BICC1: variants seen among roughly 807,000 people sequenced by gnomAD.
BICC1 encodes BicC family RNA binding protein 1, also known as protein bicaudal C homolog 1.
BICC1 carries 43 observed loss-of-function variants against 111.0 expected under a neutral mutation model. The observed-to-expected ratio is 0.39, with a 90% CI of 0.30 to 0.50. The LOEUF (loss-of-function observed/expected upper bound fraction) is 0.50, where lower values mean the gene tolerates loss of function less well. Ranked by LOEUF, BICC1 falls within the 20% of genes least tolerant of loss-of-function variation. The pLI is 0.88. For synonymous variants in BICC1, 467 were observed against 434.4 expected, an observed-to-expected ratio of 1.07 and a Z score of -0.93; for missense variants, 1,091 against 1,203.2, an observed-to-expected ratio of 0.91 and a Z score of 1.38.
At chr10:58,629,698 G>A (rs974841613) in intron 2 of BICC1, among the ~76,000 whole-genome samples, 2 of 152,062 alleles carry the variant, frequency 1.3e-5, no homozygotes, top group African/African-American at 2.4e-5. Context: ...TTTCATCTAG[G>A]AGATTTACAG....
chr10:58,561,607 GTTGTT>G (rs1389011469), intron 1 of BICC1, among the ~76,000 whole-genome samples: 1 of 151,810 alleles, frequency 6.6e-6, no homozygotes, highest in African/African-American at 2.4e-5. Context: ...TTGTTTTCTG[GTTGTT>G]TTGTGTATCA....
At chr10:58,663,804 T>C (rs957147271) in intron 2 of BICC1, among the ~76,000 whole-genome samples, 12 of 152,214 alleles carry the variant, frequency 7.9e-5, no homozygotes, top group Admixed American at 2.6e-4. Context: ...AGATGGTTGG[T>C]TTAAATAGAA....
chr10:58,800,366 AT>A, intron 13 of BICC1, 40 bp downstream of exon 13: 1 of 1,598,518 alleles, frequency 6.3e-7, no homozygotes, highest in East Asian at 2.2e-5. Context: ...TTTGGTTGTT[AT>A]TTGGAAAAAG....
At chr10:58,541,765 A>G in intron 1 of BICC1, among the ~76,000 whole-genome samples, 1 of 152,130 alleles carries the variant, frequency 6.6e-6, no homozygotes. Flanking sequence ...TTGAGAAAAG[A>G]AAAACAAAGC....
chr10:58,809,302 G>C (rs1359021221), intron 17 of BICC1, among the ~76,000 whole-genome samples: 4 of 151,592 alleles, frequency 2.6e-5, no homozygotes, highest in African/African-American at 9.7e-5. Flanking sequence ...TCCCAGTGTT[G>C]GGATTACAGG....
intron 3 of BICC1, among the ~76,000 whole-genome samples, chr10:58,725,244 C>A (rs1369445736): frequency 6.6e-6 from 1 of 152,162 alleles, no homozygotes; most frequent in Non-Finnish European, 1.5e-5. Flanking sequence ...ACATTTGTGG[C>A]AGACTCTTAA....
intron 3 of BICC1, among the ~76,000 whole-genome samples, chr10:58,720,084 A>G (rs142627283): frequency 6.6e-6 from 1 of 152,294 alleles, no homozygotes; most frequent in African/African-American, 2.4e-5. Flanking sequence ...TCTGCTTTCT[A>G]GATTAAATTT....
chr10:58,800,250 G>C lies in BICC1; in HGVS notation c.1782G>C (p.Leu594=), dbSNP rs1470883309. 1.9e-6 allele frequency: 3 copies of C among 1,612,828 alleles called. No individual in the cohort carries two copies. Residue 594 remains leucine (L), a synonymous_variant, in exon 13 of 21, where the codon CTG becomes CTC. Coordinates refer to ENST00000373886, the MANE Select transcript of BICC1 (RefSeq NM_001080512.3). ...CTTCATCACTTGGAGAAAAAGTGCT[G>C]AGTGCAAATCACGGGGATCCGTCCA... The part of the protein sequence containing the change: ...ISTSSLGEKV[L]SANHGDPSIQ...
chr10:58,621,039 A>G, intron 2 of BICC1, 138 bp downstream of exon 2: 1 of 628,084 alleles, frequency 1.6e-6, no homozygotes, highest in East Asian at 3.0e-5. Flanking sequence ...AAACACTCAG[A>G]GCTAGCCAGG....
At chr10:58,803,393 G>A (rs1297181911) in intron 15 of BICC1, 151 bp downstream of exon 15, 6 of 608,314 alleles carry the variant, frequency 9.9e-6, no homozygotes, top group Non-Finnish European at 1.5e-5. Context: ...GTAGCAGTTA[G>A]TTTGCTATAA....
intron 2 of BICC1, among the ~76,000 whole-genome samples, chr10:58,627,993 C>T (rs1262488286): frequency 6.6e-6 from 1 of 151,944 alleles, no homozygotes; most frequent in East Asian, 1.9e-4. Context: ...AAATTGGTTA[C>T]TAGATAGGTA....
chr10:58,676,776 G>A (rs867782574), intron 2 of BICC1, among the ~76,000 whole-genome samples: 5 of 152,280 alleles, frequency 3.3e-5, no homozygotes, highest in East Asian at 3.9e-4. Flanking sequence ...TACAGGGGTC[G>A]ACAGAAAACT....
chr10:58,807,091 A>G lies in BICC1; in HGVS notation c.2309A>G (p.Glu770Gly). 2 of 1,613,982 alleles carry G rather than the reference A, an allele frequency of 1.2e-6. No homozygotes were observed. Among genetic ancestry groups the G allele is most frequent in the Non-Finnish European group, 1.7e-6 (2 of 1,179,890 alleles). ...GGTTTTTCTAAATCCATGCCAGCTGAAACTATCAAGGAGTTGAGAAGGGCC... is the reference window on the plus strand; with the variant it reads ...GGTTTTTCTAAATCCATGCCAGCTGGAACTATCAAGGAGTTGAGAAGGGCC... ...GLGFSKSMPA[E>G]TIKELRRANH... Residue 770 changes from glutamate to glycine, a missense_variant, in exon 17 of 21, where the codon GAA becomes GGA. Transcript: ENST00000373886.
intron 1 of BICC1, among the ~76,000 whole-genome samples, chr10:58,520,978 C>T (rs1039907950): frequency 2.0e-5 from 3 of 152,062 alleles, no homozygotes. Context: ...TGGCCCTACC[C>T]TTCTGTGACT....
chr10:58,614,654 C>T (rs1845542406), intron 1 of BICC1, among the ~76,000 whole-genome samples: 1 of 151,928 alleles, frequency 6.6e-6, no homozygotes, highest in Admixed American at 6.6e-5. Context: ...CCTTTTTATT[C>T]ATCTGGAGGT....
intron 3 of BICC1, among the ~76,000 whole-genome samples, chr10:58,726,083 A>C (rs1841094628): frequency 6.6e-6 from 1 of 152,206 alleles, no homozygotes; most frequent in South Asian, 2.1e-4. Context: ...TTGCTTTTGC[A>C]ATGTAATTTT....
At chr10:58,816,857 CACAG>C (rs978494531) in intron 18 of BICC1, among the ~76,000 whole-genome samples, 3 of 151,664 alleles carry the variant, frequency 2.0e-5, no homozygotes, top group African/African-American at 7.3e-5. Context: ...GTCTGAGAGC[CACAG>C]ACAGTTTGTT....
At chr10:58,608,631 G>A (rs985443578) in intron 1 of BICC1, among the ~76,000 whole-genome samples, 9 of 152,060 alleles carry the variant, frequency 5.9e-5, no homozygotes, top group Non-Finnish European at 8.8e-5. Context: ...ACAACTATAC[G>A]TCCTTAGAGG....
chr10:58,587,093 G>A (rs532416737), intron 1 of BICC1, among the ~76,000 whole-genome samples: 1 of 152,228 alleles, frequency 6.6e-6, no homozygotes, highest in East Asian at 1.9e-4. Context: ...TATAATTTGT[G>A]CAGCATGAAT....
Sources: gnomAD v4.1 joint callset for allele counts (sites outside exome capture counted in the v4.1 genomes callset) on GRCh38, gnomAD v4.1.1 for gene constraint, MANE v1.5 for transcripts, NCBI Gene and HGNC (gene_info 2026-07-23, HGNC 2026-07-21) for gene names.